STXBP5L: variants seen among roughly 807,000 people sequenced by gnomAD.
The protein encoded by STXBP5L is syntaxin binding protein 5L.
STXBP5L carries 65 observed loss-of-function variants against 144.5 expected under a neutral mutation model. That is an observed-to-expected ratio of 0.45 (90% CI 0.37 to 0.55). The LOEUF (loss-of-function observed/expected upper bound fraction) is 0.55. Ranked by LOEUF, STXBP5L falls within the 20% of genes least tolerant of loss-of-function variation. The probability of loss-of-function intolerance (pLI) is 0.00; values close to 1 mark genes in which losing one functional copy is unlikely to be tolerated. For missense variants in STXBP5L, 1,298 were observed against 1,405.5 expected (o/e 0.92, Z 1.22); for synonymous variants, 505 against 469.6 (o/e 1.08, Z -0.97).
intron 22 of STXBP5L, among the ~76,000 whole-genome samples, chr3:121,403,935 A>G (rs1179048236): frequency 6.6e-6 from 1 of 152,084 alleles, no homozygotes; most frequent in Non-Finnish European, 1.5e-5. Flanking sequence ...ATGCCCCAAG[A>G]CTGATTCTTT....
intron 6 of STXBP5L, 76 bp downstream of exon 6, chr3:121,115,135 G>C: frequency 7.2e-7 from 1 of 1,385,958 alleles, no homozygotes; most frequent in Non-Finnish European, 9.8e-7. Context: ...TCAAATTACA[G>C]TTATTTGATA....
At chr3:120,938,974 G>A (rs1252341786) in intron 2 of STXBP5L, among the ~76,000 whole-genome samples, 1 of 151,894 alleles carries the variant, frequency 6.6e-6, no homozygotes, top group East Asian at 1.9e-4. Flanking sequence ...TGTAGAGATG[G>A]AGTCTCACTA....
At chr3:121,380,638 C>G (rs142024185) in intron 21 of STXBP5L, among the ~76,000 whole-genome samples, 1 of 152,038 alleles carries the variant, frequency 6.6e-6, no homozygotes, top group African/African-American at 2.4e-5. Context: ...AAGATTACCA[C>G]TATCAACAGG....
chr3:121,392,758 A>G (rs1276260405), intron 22 of STXBP5L, among the ~76,000 whole-genome samples: 3 of 128,114 alleles, frequency 2.3e-5, no homozygotes, highest in Non-Finnish European at 4.8e-5. Context: ...ATGACTGAGT[A>G]GTATTTCATG....
At chr3:121,086,194 T>A (rs915158148) in intron 5 of STXBP5L, among the ~76,000 whole-genome samples, 15 of 152,036 alleles carry the variant, frequency 9.9e-5, no homozygotes, top group Non-Finnish European at 1.5e-4. Flanking sequence ...TCTTTTTAAA[T>A]GTATTTAGCA....
intron 7 of STXBP5L, among the ~76,000 whole-genome samples, chr3:121,149,711 G>A (rs1559798854): frequency 6.6e-6 from 1 of 151,806 alleles, no homozygotes; most frequent in Non-Finnish European, 1.5e-5. Flanking sequence ...CAATAAGAAA[G>A]TTAAAATAAC....
chr3:121,348,244 T>C (rs1409610473), intron 20 of STXBP5L, among the ~76,000 whole-genome samples: 1 of 152,188 alleles, frequency 6.6e-6, no homozygotes, highest in African/African-American at 2.4e-5. Flanking sequence ...GTTCTGTTTA[T>C]ATGCTGGGTT....
chr3:121,309,223 A>T (rs1443542124), intron 19 of STXBP5L, among the ~76,000 whole-genome samples: 13 of 152,018 alleles, frequency 8.6e-5, no homozygotes, highest in East Asian at 5.8e-4. Context: ...ACTTTTTTTT[A>T]AAAAATCAAG....
chr3:121,314,728 C>G (rs1279458782), intron 19 of STXBP5L, among the ~76,000 whole-genome samples: 2 of 151,990 alleles, frequency 1.3e-5, no homozygotes, highest in Non-Finnish European at 2.9e-5. Context: ...TTTTTGCAAC[C>G]TACTCATCTG....
chr3:120,981,355 T>C (rs1352622971), intron 3 of STXBP5L, among the ~76,000 whole-genome samples: 1 of 152,168 alleles, frequency 6.6e-6, no homozygotes. Flanking sequence ...TAAGTTTAAA[T>C]AATCCCATGT....
intron 5 of STXBP5L, among the ~76,000 whole-genome samples, chr3:121,096,278 C>T (rs1411075931): frequency 6.6e-6 from 1 of 152,186 alleles, no homozygotes; most frequent in African/African-American, 2.4e-5. Context: ...CGCTTCTTAG[C>T]TTGCTTGCAT....
intron 20 of STXBP5L, among the ~76,000 whole-genome samples, chr3:121,330,060 A>C (rs955729541): frequency 2.6e-5 from 4 of 152,222 alleles, no homozygotes; most frequent in African/African-American, 9.6e-5. Context: ...ACTAAATGGA[A>C]TGTTCATCAG....
At chr3:121,051,181 C>G (rs995124471) in intron 5 of STXBP5L, among the ~76,000 whole-genome samples, 4 of 152,096 alleles carry the variant, frequency 2.6e-5, no homozygotes, top group South Asian at 2.1e-4. Context: ...ATCAACGAGA[C>G]AGAAAGTTAA....
intron 5 of STXBP5L, among the ~76,000 whole-genome samples, chr3:121,110,665 T>G (rs1410802538): frequency 6.6e-6 from 1 of 152,182 alleles, no homozygotes; most frequent in African/African-American, 2.4e-5. Context: ...TAATATTTTG[T>G]CTTTCATTTC....
intron 20 of STXBP5L, among the ~76,000 whole-genome samples, chr3:121,333,801 A>C (rs73183149): frequency 2.0e-4 from 30 of 152,294 alleles, no homozygotes; most frequent in Non-Finnish European, 4.1e-4. Flanking sequence ...CTGGACACAG[A>C]CACCCTCCCA....
intron 20 of STXBP5L, among the ~76,000 whole-genome samples, chr3:121,349,302 A>G (rs895618793): frequency 6.6e-6 from 1 of 152,062 alleles, no homozygotes; most frequent in African/African-American, 2.4e-5. Context: ...TTCTAGTTTG[A>G]TTGCACTGTG....
chr3:120,935,793 G>T (rs1710236229), intron 2 of STXBP5L, among the ~76,000 whole-genome samples: 1 of 151,582 alleles, frequency 6.6e-6, no homozygotes, highest in African/African-American at 2.4e-5. Context: ...TTTTTTTAAA[G>T]ATTTTTCTCT....
chr3:120,913,851 G>A (rs1335257128), intron 2 of STXBP5L, among the ~76,000 whole-genome samples: 1 of 152,028 alleles, frequency 6.6e-6, no homozygotes, highest in African/African-American at 2.4e-5. Context: ...ATTGAAGGCA[G>A]TCAAATATTT....
rs921503412 is a variant in STXBP5L at position 121,187,166 on chromosome 3, G to A, written c.878-18757G>A. On this transcript the variant is annotated intron_variant, in intron 9 of 26. Transcript: ENST00000471454. ...ATAGCAAAGACTTGGAACCAACTAT[G>A]ATAGACTGGATGAAGAAAATGTGGC... Among the ~76,000 whole-genome samples, 218 of 151,854 alleles carry A rather than the reference G, an allele frequency of 1.4e-3. 1 individual carries two copies. Among genetic ancestry groups the A allele is most frequent in the African/African-American group, 4.9e-3 (203 of 41,458 alleles).
Sources: allele counts gnomAD v4.1 joint callset (sites outside exome capture counted in the v4.1 genomes callset), GRCh38; gene constraint gnomAD v4.1.1; transcripts MANE v1.5; gene names NCBI Gene and HGNC (gene_info 2026-07-23, HGNC 2026-07-21).